Variants in FHIT observed in about 807,000 individuals in gnomAD.
FHIT encodes fragile histidine triad diadenosine triphosphatase.
In FHIT, 19 loss-of-function variants were observed where a neutral mutation model predicts 17.9. The ratio of observed to expected loss-of-function variants is 1.06; its 90% CI spans 0.74 to 1.56. The LOEUF (loss-of-function observed/expected upper bound fraction) is 1.56, where lower values mean the gene tolerates loss of function less well. Ranked by LOEUF, FHIT falls within the 40% of genes most tolerant of loss-of-function variation. FHIT has a pLI of 0.00. For missense variants in FHIT, 248 were observed against 189.2 expected (o/e 1.31, Z -1.82); for synonymous variants, 81 against 69.7 (o/e 1.16, Z -0.81).
At chr3:60,346,169 C>A (rs942805794) in intron 5 of FHIT, among the ~76,000 whole-genome samples, 2 of 152,174 alleles carry the variant, frequency 1.3e-5, no homozygotes, top group African/African-American at 2.4e-5. Flanking sequence ...AGAGTCCTCA[C>A]GCAATGTCCA....
At chr3:60,619,131 G>T (rs1207173888) in intron 4 of FHIT, among the ~76,000 whole-genome samples, 1 of 152,074 alleles carries the variant, frequency 6.6e-6, no homozygotes, top group Non-Finnish European at 1.5e-5. Context: ...TGCATTATAG[G>T]TGGTCACAAA....
At chr3:60,569,755 A>ATATATTTTTTTT in intron 4 of FHIT, among the ~76,000 whole-genome samples, 96 of 77,298 alleles carry the variant, frequency 1.2e-3, no homozygotes, top group Non-Finnish European at 1.6e-3. Context: ...ATATATATAT[A>ATATATTTTTTTT]TTTTTTTTTT....
chr3:59,865,494 T>C (rs610766), intron 8 of FHIT, among the ~76,000 whole-genome samples: 83,197 of 152,130 alleles, frequency 0.55, 24,133 homozygotes, highest in African/African-American at 0.75. Flanking sequence ...GGGAAGCCTT[T>C]ATGTCAGATT....
intron 3 of FHIT, among the ~76,000 whole-genome samples, chr3:61,037,598 T>C (rs1377265068): frequency 2.0e-5 from 3 of 152,242 alleles, no homozygotes; most frequent in Non-Finnish European, 2.9e-5. Flanking sequence ...AGGTGGGTCC[T>C]TCAAGGGGCA....
intron 5 of FHIT, among the ~76,000 whole-genome samples, chr3:60,184,559 A>G (rs113768266): frequency 1.3e-3 from 205 of 152,320 alleles, no homozygotes; most frequent in African/African-American, 4.7e-3. Flanking sequence ...AGCAACGTCC[A>G]TATTATCAAC....
At chr3:61,079,877 A>G (rs1197894022) in intron 2 of FHIT, among the ~76,000 whole-genome samples, 4 of 152,202 alleles carry the variant, frequency 2.6e-5, no homozygotes, top group African/African-American at 9.6e-5. Flanking sequence ...TCACACTTAA[A>G]TATGTGATTT....
intron 4 of FHIT, among the ~76,000 whole-genome samples, chr3:60,562,867 A>G (rs1399102139): frequency 2.0e-5 from 3 of 152,210 alleles, no homozygotes; most frequent in African/African-American, 7.2e-5. Flanking sequence ...GAGAAATTTG[A>G]GGACCCAGGC....
At chr3:59,989,195 C>T (rs1377012552) in intron 7 of FHIT, among the ~76,000 whole-genome samples, 2 of 151,998 alleles carry the variant, frequency 1.3e-5, no homozygotes, top group African/African-American at 4.8e-5. Context: ...ATTCTCATTT[C>T]AAGCCAGGCT....
intron 5 of FHIT, among the ~76,000 whole-genome samples, chr3:60,441,720 A>ATGTG: frequency 1.7e-5 from 1 of 57,704 alleles, no homozygotes; most frequent in African/African-American, 5.5e-5. Flanking sequence ...ATATATATAT[A>ATGTG]TATTTGTATT....
At chr3:60,019,829 G>C (rs1240873626) in intron 5 of FHIT, among the ~76,000 whole-genome samples, 1 of 152,186 alleles carries the variant, frequency 6.6e-6, no homozygotes, top group Non-Finnish European at 1.5e-5. Flanking sequence ...AGCACAGTTG[G>C]GATTGGAGCT....
At chr3:59,759,708 C>T (rs1701407431) in intron 8 of FHIT, among the ~76,000 whole-genome samples, 2 of 152,164 alleles carry the variant, frequency 1.3e-5, no homozygotes, top group African/African-American at 4.8e-5. Context: ...CTCCCTGGCA[C>T]TGTCCTTTCA....
intron 4 of FHIT, among the ~76,000 whole-genome samples, chr3:60,611,092 G>A (rs1410132777): frequency 3.3e-5 from 5 of 152,124 alleles, no homozygotes; most frequent in African/African-American, 1.2e-4. Flanking sequence ...TGTGATCTCA[G>A]GCTCATTTAG....
chr3:59,810,233 G>T (rs1223994296), intron 8 of FHIT, among the ~76,000 whole-genome samples: 3 of 152,152 alleles, frequency 2.0e-5, no homozygotes, highest in Non-Finnish European at 2.9e-5. Context: ...ATGAAAAACA[G>T]CATGGAGCAT....
At position 60,672,595 on chromosome 3, in the gene FHIT, G is replaced by A. The variant is rs895540227; in HGVS notation, c.-17-135616C>T. Among the ~76,000 whole-genome samples the A allele has an allele frequency of 3.2e-4, 49 of 152,306 alleles. 1 individual carries two copies. Among genetic ancestry groups the A allele is most frequent in the Non-Finnish European group, 5.0e-4 (34 of 68,028 alleles). Reference sequence around the variant, plus strand: ...TCTTCAGTTACTTCGGGCCATCTGGGCGTATACGTGCAAGTCACAGGGGAT... The same window carrying A: ...TCTTCAGTTACTTCGGGCCATCTGGACGTATACGTGCAAGTCACAGGGGAT... On this transcript the variant is annotated intron_variant, in intron 4 of 9. Coordinates refer to ENST00000492590, the MANE Select transcript of FHIT (RefSeq NM_002012.4).
intron 8 of FHIT, among the ~76,000 whole-genome samples, chr3:59,895,495 T>A (rs1196660067): frequency 6.6e-6 from 1 of 152,218 alleles, no homozygotes; most frequent in Non-Finnish European, 1.5e-5. Context: ...ATGACTTTGC[T>A]TATTTGGGCA....
chr3:60,462,163 G>T (rs897317984), intron 5 of FHIT, among the ~76,000 whole-genome samples: 4 of 152,138 alleles, frequency 2.6e-5, no homozygotes, highest in African/African-American at 9.7e-5. Flanking sequence ...TCTAATGGAA[G>T]GATGATCATT....
At chr3:60,207,422 A>C (rs1216398525) in intron 5 of FHIT, among the ~76,000 whole-genome samples, 2 of 152,126 alleles carry the variant, frequency 1.3e-5, no homozygotes, top group African/African-American at 4.8e-5. Context: ...AAAGGCTTCT[A>C]TATGGGTCAC....
At chr3:60,188,868 G>C (rs1377027367) in intron 5 of FHIT, among the ~76,000 whole-genome samples, 1 of 151,964 alleles carries the variant, frequency 6.6e-6, no homozygotes, top group Non-Finnish European at 1.5e-5. Flanking sequence ...CTCTCACAAA[G>C]CAATTTTTTT....
intron 5 of FHIT, among the ~76,000 whole-genome samples, chr3:60,416,786 C>T (rs566934844): frequency 3.9e-4 from 59 of 152,122 alleles, no homozygotes; most frequent in Non-Finnish European, 7.4e-4. Flanking sequence ...TTTACTGTAG[C>T]GTTAAAAATC....
Sources: allele counts gnomAD v4.1 joint callset (sites outside exome capture counted in the v4.1 genomes callset), GRCh38; gene constraint gnomAD v4.1.1; transcripts MANE v1.5; gene names NCBI Gene and HGNC (gene_info 2026-07-23, HGNC 2026-07-21).